The following CD96 variants were observed in gnomAD, a reference collection of about 807,000 sequenced individuals.
CD96 encodes T-cell surface protein tactile.
Under a neutral mutation model 71.3 loss-of-function variants are expected in CD96, and 70 were observed. The ratio of observed to expected loss-of-function variants is 0.98; its 90% CI spans 0.81 to 1.20. CD96 has a LOEUF of 1.20. CD96 is among the 50% of genes most tolerant of loss of function. The pLI is 0.00. For synonymous variants in CD96, 248 were observed against 233.0 expected, an observed-to-expected ratio of 1.06 and a Z score of -0.59; for missense variants, 742 against 677.5, an observed-to-expected ratio of 1.10 and a Z score of -1.06.
At chr3:111,585,471 T>A (rs1344955432) in intron 5 of CD96, 93 bp downstream of exon 5, 1 of 825,926 alleles carries the variant, frequency 1.2e-6, no homozygotes, top group Non-Finnish European at 2.1e-6. Context: ...CAAAGAACTT[T>A]ACTCCTTGGC....
intron 7 of CD96, among the ~76,000 whole-genome samples, chr3:111,601,724 A>G (rs996884409): frequency 6.6e-6 from 1 of 152,176 alleles, no homozygotes; most frequent in African/African-American, 2.4e-5. Flanking sequence ...ACCACATCCT[A>G]TTTTCAGAGA....
At chr3:111,585,513 G>T in intron 5 of CD96, 135 bp downstream of exon 5, 1 of 657,502 alleles carries the variant, frequency 1.5e-6, no homozygotes. Context: ...TAGGGATGAA[G>T]GGAAGCTGGG....
chr3:111,599,817 GT>G (rs1248269584), intron 6 of CD96, among the ~76,000 whole-genome samples: 1 of 152,218 alleles, frequency 6.6e-6, no homozygotes, highest in Non-Finnish European at 1.5e-5. Context: ...GCTAGATTTT[GT>G]GGTCAGAATT....
chr3:111,556,038 T>G (rs1935004129), intron 2 of CD96, among the ~76,000 whole-genome samples: 2 of 152,300 alleles, frequency 1.3e-5, no homozygotes, highest in Non-Finnish European at 2.9e-5. Context: ...CATCTCAAAT[T>G]TGCTATTGAG....
At position 111,595,274 on chromosome 3, in the gene CD96, C is replaced by T. The variant is rs1026608634; in HGVS notation, c.808-2846C>T. ...TGCAACCGTGAACAGTTAGGAAATT[C>T]CCCCCAGCCACAAGTGGGTACTTAC... On this transcript the variant is annotated intron_variant, in intron 5 of 13. Coordinates refer to ENST00000352690, the MANE Select transcript of CD96 (RefSeq NM_005816.5). 3 of 152,182 alleles carry T rather than the reference C, an allele frequency of 2.0e-5. No individual in the cohort carries two copies. The South Asian group carries it at 6.2e-4, about 32-fold the overall frequency. 9.4% of individuals were successfully genotyped at this position (152,182 alleles called of 1,614,324 possible). A position where few individuals can be genotyped will look rare whatever the true frequency, so the allele number is the denominator to read the frequency against.
chr3:111,625,559 G>A (rs919043349), intron 10 of CD96, among the ~76,000 whole-genome samples: 1 of 151,972 alleles, frequency 6.6e-6, no homozygotes, highest in African/African-American at 2.4e-5. Context: ...TCTAGAAATA[G>A]TGATTATTGA....
At chr3:111,628,017 G>T (rs1938862491) in intron 10 of CD96, among the ~76,000 whole-genome samples, 1 of 151,764 alleles carries the variant, frequency 6.6e-6, no homozygotes, top group Admixed American at 6.6e-5. Context: ...AAGATCAAAG[G>T]CAGATAAGCC....
At chr3:111,570,780 G>A in intron 3 of CD96, 1 of 1,613,620 alleles carries the variant, frequency 6.2e-7, no homozygotes, top group South Asian at 1.1e-5. Context: ...TAGATCCAGG[G>A]AAACGTCTTC....
At chr3:111,607,292 A>G (rs1161270331) in intron 8 of CD96, among the ~76,000 whole-genome samples, 1 of 152,238 alleles carries the variant, frequency 6.6e-6, no homozygotes, top group Admixed American at 6.5e-5. Context: ...ATAGGCCAAA[A>G]GAGGTTGAAT....
At chr3:111,595,991 G>T (rs1937238367) in intron 5 of CD96, among the ~76,000 whole-genome samples, 1 of 151,710 alleles carries the variant, frequency 6.6e-6, no homozygotes, top group African/African-American at 2.4e-5. Context: ...GTGAAACCCT[G>T]TCTCTACTAA....
intron 8 of CD96, chr3:111,607,123 C>A: frequency 3.4e-6 from 1 of 293,882 alleles, no homozygotes; most frequent in Non-Finnish European, 6.5e-6. Flanking sequence ...AACATAGCTT[C>A]CAAAATCCTT....
chr3:111,584,467 T>C (rs1936611090), intron 4 of CD96, among the ~76,000 whole-genome samples: 1 of 152,206 alleles, frequency 6.6e-6, no homozygotes. Context: ...CTGGTACTAA[T>C]TTATTGTATT....
At chr3:111,593,729 T>A in intron 5 of CD96, 1 of 1,614,166 alleles carries the variant, frequency 6.2e-7, no homozygotes, top group South Asian at 1.1e-5. Context: ...AAGCACCTCC[T>A]TTTCCCTTTG....
At position 111,623,822 on chromosome 3, in the gene CD96, C is replaced by T. The variant is rs749009042; in HGVS notation, c.1249C>T (p.Pro417Ser). Reference sequence around the variant, plus strand: ...CTTGAGGCCAAACACCACTCCTCAACGTGAGTTCAGCAAAGTTTTCCTACA... The same window carrying T: ...CTTGAGGCCAAACACCACTCCTCAATGTGAGTTCAGCAAAGTTTTCCTACA... ...SALRPNTTPQ[P>S]SNSSMTTRGF... The change falls in exon 9 of 14, where the codon CCC becomes TCC. Residue 417 changes from proline (P) to serine (S), a missense_variant and splice_region_variant. Transcript: ENST00000352690. 4.4e-5 allele frequency: 71 copies of T among 1,601,456 alleles called. No individual in the cohort carries two copies. Among genetic ancestry groups the T allele is most frequent in the Non-Finnish European group, 5.3e-5 (62 of 1,168,602 alleles).
intron 2 of CD96, among the ~76,000 whole-genome samples, chr3:111,550,606 GT>G (rs899416871): frequency 2.1e-4 from 31 of 151,218 alleles, no homozygotes; most frequent in Non-Finnish European, 3.2e-4. Flanking sequence ...AAAAAGAACA[GT>G]TTTTTTTTAT....
intron 5 of CD96, chr3:111,594,241 G>A (rs770998644): frequency 1.3e-6 from 2 of 1,526,108 alleles, no homozygotes; most frequent in Admixed American, 2.1e-5. Flanking sequence ...GTGCTTAGAT[G>A]TGAGCCAAAA....
intron 5 of CD96, among the ~76,000 whole-genome samples, chr3:111,596,612 CA>C (rs1419702238): frequency 6.6e-6 from 1 of 152,124 alleles, no homozygotes; most frequent in East Asian, 1.9e-4. Flanking sequence ...TGGATTAATG[CA>C]AAACTTTGTA....
At chr3:111,608,666 C>T (rs899804351) in intron 8 of CD96, among the ~76,000 whole-genome samples, 1 of 152,150 alleles carries the variant, frequency 6.6e-6, no homozygotes, top group African/African-American at 2.4e-5. Context: ...CATTTTTTCT[C>T]CAGTTGGTCT....
chr3:111,555,162 T>C (rs934506301), intron 2 of CD96, among the ~76,000 whole-genome samples: 18 of 131,130 alleles, frequency 1.4e-4, no homozygotes, highest in African/African-American at 5.4e-4. Flanking sequence ...CAGTCCATGG[T>C]CCAGGGGCTA....
Sources: gnomAD v4.1 joint callset for allele counts (sites outside exome capture counted in the v4.1 genomes callset) on GRCh38, gnomAD v4.1.1 for gene constraint, MANE v1.5 for transcripts, NCBI Gene and HGNC (gene_info 2026-07-23, HGNC 2026-07-21) for gene names.